EHBP1: variants seen among roughly 807,000 people sequenced by gnomAD.
The protein encoded by EHBP1 is EH domain binding protein 1, also known as EH domain-binding protein 1.
A neutral mutation model predicts 144.0 loss-of-function variants in EHBP1; 55 were observed. The ratio of observed to expected loss-of-function variants is 0.38; its 90% CI spans 0.31 to 0.48. The LOEUF (loss-of-function observed/expected upper bound fraction) is 0.48, where lower values mean the gene tolerates loss of function less well. Ranked by LOEUF, EHBP1 falls within the 20% of genes least tolerant of loss-of-function variation. The probability of loss-of-function intolerance (pLI) is 0.98; values close to 1 mark genes in which losing one functional copy is unlikely to be tolerated. For synonymous variants in EHBP1, 469 were observed against 472.7 expected, an observed-to-expected ratio of 0.99 and a Z score of 0.10; for missense variants, 1,200 against 1,364.2, an observed-to-expected ratio of 0.88 and a Z score of 1.90.
At chr2:62,757,426 CTTTTTTTTTTTTTT>C (rs555494268) in intron 3 of EHBP1, among the ~76,000 whole-genome samples, 6 of 113,036 alleles carry the variant, frequency 5.3e-5, no homozygotes, top group Non-Finnish European at 1.1e-4. Flanking sequence ...TTTTTTTTTT[CTTTTTTTTTTTTTT>C]TTTTTGAGGC....
intron 2 of EHBP1, among the ~76,000 whole-genome samples, chr2:62,739,064 C>T (rs901401700): frequency 1.3e-5 from 2 of 152,184 alleles, no homozygotes; most frequent in South Asian, 2.1e-4. Flanking sequence ...CAAAGCACTC[C>T]ACTAAGCACT....
At chr2:62,952,282 A>G (rs548500221) in intron 13 of EHBP1, among the ~76,000 whole-genome samples, 96 of 152,342 alleles carry the variant, frequency 6.3e-4, no homozygotes, top group Non-Finnish European at 5.4e-4. Context: ...TTAAAATTGT[A>G]TATAGCAGCT....
chr2:62,800,551 C>T (rs964799302), intron 5 of EHBP1, among the ~76,000 whole-genome samples: 65 of 152,098 alleles, frequency 4.3e-4, no homozygotes, highest in African/African-American at 1.5e-3. Context: ...TAAACTGTAT[C>T]GCTGGGAAGA....
intron 10 of EHBP1, among the ~76,000 whole-genome samples, chr2:62,913,135 T>C (rs2054351062): frequency 6.6e-6 from 1 of 152,224 alleles, no homozygotes; most frequent in African/African-American, 2.4e-5. Flanking sequence ...TTCCCACTTA[T>C]TTTTGGCTAC....
chr2:62,699,778 ACT>A (rs1309678300), intron 1 of EHBP1, among the ~76,000 whole-genome samples: 1 of 152,210 alleles, frequency 6.6e-6, no homozygotes, highest in Non-Finnish European at 1.5e-5. Flanking sequence ...CTAGTCATTC[ACT>A]GTGTTGCTCC....
chr2:62,945,185 A>G (rs573094980), intron 12 of EHBP1, among the ~76,000 whole-genome samples: 5 of 152,350 alleles, frequency 3.3e-5, no homozygotes, highest in Admixed American at 6.5e-5. Context: ...AACTTCTTCA[A>G]AATAATTAGT....
chr2:62,686,919 A>G (rs1311187724), intron 1 of EHBP1, among the ~76,000 whole-genome samples: 1 of 152,210 alleles, frequency 6.6e-6, no homozygotes, highest in Non-Finnish European at 1.5e-5. Flanking sequence ...TAGGTACTTT[A>G]CATAAGTTAC....
chr2:62,761,959 G>C (rs978501057), intron 3 of EHBP1, among the ~76,000 whole-genome samples: 1 of 152,044 alleles, frequency 6.6e-6, no homozygotes, highest in African/African-American at 2.4e-5. Flanking sequence ...ATTCCAGTCA[G>C]GTCTTTGTTC....
At chr2:62,902,068 G>T (rs1558883935) in intron 10 of EHBP1, among the ~76,000 whole-genome samples, 1 of 152,124 alleles carries the variant, frequency 6.6e-6, no homozygotes, top group Non-Finnish European at 1.5e-5. Context: ...CAACTTCCAG[G>T]TTGGAGGCCT....
chr2:62,734,425 A>T (rs927752120), intron 2 of EHBP1, among the ~76,000 whole-genome samples: 1 of 149,898 alleles, frequency 6.7e-6, no homozygotes, highest in Admixed American at 6.6e-5. Context: ...AGATGTTTCA[A>T]ATATATATAT....
chr2:62,844,693 ATCACAGAAAATCAAGTTCAAC>A (rs1289116885), intron 7 of EHBP1, among the ~76,000 whole-genome samples: 1 of 152,194 alleles, frequency 6.6e-6, no homozygotes, highest in African/African-American at 2.4e-5. Context: ...TGATGAATAC[ATCACAGAAAATCAAGTTCAAC>A]TGAAGCAGTT....
intron 3 of EHBP1, among the ~76,000 whole-genome samples, chr2:62,754,123 T>G (rs1221119580): frequency 6.6e-6 from 1 of 152,194 alleles, no homozygotes; most frequent in East Asian, 1.9e-4. Context: ...TCTTTGTGGT[T>G]TTATCTACCT....
At chr2:62,680,976 T>G (rs1194669724) in intron 1 of EHBP1, among the ~76,000 whole-genome samples, 1 of 152,128 alleles carries the variant, frequency 6.6e-6, no homozygotes, top group Non-Finnish European at 1.5e-5. Context: ...ATGTATTCAT[T>G]TTTTGAATAT....
rs139107033 is a variant in EHBP1 at position 62,853,795 on chromosome 2, A to C, written c.635-5374A>C. 2.1e-3 allele frequency among the ~76,000 whole-genome samples: 324 copies of C among 152,338 alleles called. 1 individual carries two copies. The highest frequency in any genetic ancestry group is 7.3e-3 in the African/African-American group (302 of 41,582). On this transcript the variant is annotated intron_variant, in intron 7 of 22. Coordinates refer to ENST00000431489, the MANE Select transcript of EHBP1 (RefSeq NM_001142616.3). Reference sequence around the variant, plus strand: ...CTAATCACCTGTACATCTCCATCACAGCTCTTGGGCGACCTGGTGCATTGT... The same window carrying C: ...CTAATCACCTGTACATCTCCATCACCGCTCTTGGGCGACCTGGTGCATTGT...
chr2:62,764,862 C>T (rs1050134839), intron 4 of EHBP1, among the ~76,000 whole-genome samples: 1 of 151,878 alleles, frequency 6.6e-6, no homozygotes, highest in Non-Finnish European at 1.5e-5. Flanking sequence ...TTCAAAGCAC[C>T]TCATAGAGGA....
intron 10 of EHBP1, among the ~76,000 whole-genome samples, chr2:62,900,702 A>T (rs1025609525): frequency 5.5e-4 from 82 of 149,954 alleles, no homozygotes; most frequent in Non-Finnish European, 8.0e-4. Flanking sequence ...ATATATATAT[A>T]TTTTCTTTCT....
At chr2:62,896,488 C>T (rs894474813) in intron 10 of EHBP1, among the ~76,000 whole-genome samples, 20 of 151,892 alleles carry the variant, frequency 1.3e-4, no homozygotes, top group Admixed American at 9.9e-4. Flanking sequence ...CATATTCTAC[C>T]GTACATTTTA....
intron 6 of EHBP1, among the ~76,000 whole-genome samples, chr2:62,829,023 C>T (rs763018267): frequency 1.3e-5 from 2 of 151,188 alleles, no homozygotes; most frequent in South Asian, 2.1e-4. Flanking sequence ...GAGGCTAAGG[C>T]GGGATGATTG....
At chr2:63,025,543 G>C (rs754604054) in intron 19 of EHBP1, among the ~76,000 whole-genome samples, 1 of 152,198 alleles carries the variant, frequency 6.6e-6, no homozygotes, top group Admixed American at 6.5e-5. Flanking sequence ...GATTATAGGC[G>C]TGAGGCTCTG....
Sources: gnomAD v4.1 joint callset for allele counts (sites outside exome capture counted in the v4.1 genomes callset) on GRCh38, gnomAD v4.1.1 for gene constraint, MANE v1.5 for transcripts, NCBI Gene and HGNC (gene_info 2026-07-23, HGNC 2026-07-21) for gene names.